The following RIMS2 variants were observed in gnomAD, a reference collection of about 807,000 sequenced individuals.
RIMS2 encodes regulating synaptic membrane exocytosis protein 2.
RIMS2 carries 59 observed loss-of-function variants against 174.4 expected under a neutral mutation model. That is an observed-to-expected ratio of 0.34 (90% CI 0.27 to 0.42). RIMS2 has a LOEUF of 0.42. Among genes scored for constraint, RIMS2 ranks in the 10% least tolerant of loss-of-function variants. RIMS2 has a pLI of 1.00. For synonymous variants in RIMS2, 606 were observed against 572.5 expected (o/e 1.06, Z -0.84); for missense variants, 1,620 against 1,666.3 (o/e 0.97, Z 0.48).
chr8:103,533,380 C>T (rs775031211), intron 1 of RIMS2, among the ~76,000 whole-genome samples: 1 of 152,048 alleles, frequency 6.6e-6, no homozygotes, highest in South Asian at 2.1e-4. Flanking sequence ...CAAATGTTAT[C>T]AATACTTTTC....
At chr8:104,129,949 G>A (rs1412006847) in intron 19 of RIMS2, among the ~76,000 whole-genome samples, 2 of 152,116 alleles carry the variant, frequency 1.3e-5, no homozygotes, top group East Asian at 1.9e-4. Context: ...TTTATCATCA[G>A]CAAATATTTA....
chr8:103,884,989 C>T (rs913384977), intron 3 of RIMS2, among the ~76,000 whole-genome samples: 3 of 151,642 alleles, frequency 2.0e-5, no homozygotes, highest in Non-Finnish European at 4.4e-5. Flanking sequence ...TGGAAGTGTA[C>T]GTAGCAAACC....
Position 103,915,614 on chromosome 8 carries a change from T to C in RIMS2, c.1912+20T>C. On this transcript the variant is annotated intron_variant, in intron 7 of 23. Coordinates refer to ENST00000504942, the Ensembl canonical transcript of RIMS2. The stretch of plus-strand genomic sequence containing the variant: ...GACCAGGTAGGGTTTTACCTTTGAT[T>C]ATTTACATTTAAACCATTCAACTTT... The C allele has an allele frequency of 7.8e-7, 1 of 1,282,936 alleles. No individual in the cohort carries two copies. The highest frequency in any genetic ancestry group is 1.8e-5 in the Admixed American group (1 of 56,608). The allele number at this position is 1,282,936 out of a possible 1,614,324, so 79.5% of individuals were successfully genotyped here.
intron 13 of RIMS2, among the ~76,000 whole-genome samples, chr8:103,937,398 G>T (rs2081514544): frequency 6.6e-6 from 1 of 152,150 alleles, no homozygotes; most frequent in Non-Finnish European, 1.5e-5. Context: ...CCACTAATAA[G>T]TAGTTAAACC....
intron 19 of RIMS2, among the ~76,000 whole-genome samples, chr8:104,016,411 A>G (rs1327536878): frequency 6.6e-6 from 1 of 152,022 alleles, no homozygotes; most frequent in Non-Finnish European, 1.5e-5. Flanking sequence ...TAACTTGTTG[A>G]TATAAGTTGT....
intron 2 of RIMS2, among the ~76,000 whole-genome samples, chr8:103,699,419 G>A (rs1325166889): frequency 6.6e-6 from 1 of 151,828 alleles, no homozygotes; most frequent in East Asian, 1.9e-4. Context: ...TTGTAGAGAT[G>A]GGGTCTTGCT....
chr8:103,600,358 C>T (rs890762094), intron 1 of RIMS2, among the ~76,000 whole-genome samples: 1 of 152,126 alleles, frequency 6.6e-6, no homozygotes, highest in African/African-American at 2.4e-5. Context: ...TAACCTCTGC[C>T]TCCTGGGTTC....
intron 4 of RIMS2, among the ~76,000 whole-genome samples, chr8:103,907,539 A>G (rs1040344879): frequency 1.3e-5 from 2 of 150,702 alleles, no homozygotes; most frequent in African/African-American, 4.9e-5. Flanking sequence ...TTTTCTCTGC[A>G]TGCTGTTTCT....
rs144408844 is a variant in RIMS2 at position 104,218,210 on chromosome 8, T to C, written c.3335-26706T>C. ...CTCTCAGCAACTAGCCTTTTCTGAGTTGACTGGAAAACACTTAAATAGTGA... is the reference window on the plus strand; with the variant it reads ...CTCTCAGCAACTAGCCTTTTCTGAGCTGACTGGAAAACACTTAAATAGTGA... On this transcript the variant is annotated intron_variant, in intron 19 of 23. Coordinates refer to ENST00000504942, the Ensembl canonical transcript of RIMS2. Among the ~76,000 whole-genome samples, 327 of 152,378 alleles carry C rather than the reference T, an allele frequency of 2.1e-3. 1 individual carries two copies. The highest frequency in any genetic ancestry group is 7.4e-3 in the African/African-American group (306 of 41,592).
intron 1 of RIMS2, among the ~76,000 whole-genome samples, chr8:103,534,161 A>T (rs1426506488): frequency 6.6e-6 from 1 of 152,228 alleles, no homozygotes; most frequent in South Asian, 2.1e-4. Flanking sequence ...CTGTGCTTAC[A>T]TATGGAATTT....
Position 103,812,331 on chromosome 8 carries a change from G to GTTTTTTT in RIMS2, c.698+45811_698+45817dup, listed in dbSNP as rs71575985. 5.7e-3 allele frequency among the ~76,000 whole-genome samples: 633 copies of GTTTTTTT among 111,468 alleles called. 11 individuals are homozygous for GTTTTTTT. The highest frequency in any genetic ancestry group is 0.015 in the East Asian group (35 of 2,336). 73.1% of individuals were successfully genotyped at this position (111,468 alleles called of 152,430 possible). ...GGTCAAATTATTACCTTATTACCTT[G>GTTTTTTT]TTTTTTTTTTTTTTTTTTTTTTTGT... On this transcript the variant is annotated intron_variant, in intron 3 of 23. Transcript: ENST00000504942.
At chr8:103,888,360 T>C (rs983879023) in intron 4 of RIMS2, among the ~76,000 whole-genome samples, 9 of 151,532 alleles carry the variant, frequency 5.9e-5, no homozygotes, top group Non-Finnish European at 1.0e-4. Flanking sequence ...ACTATCGATC[T>C]TAATTATTTT....
intron 12 of RIMS2, among the ~76,000 whole-genome samples, chr8:103,935,888 A>G (rs924737371): frequency 6.6e-6 from 1 of 152,226 alleles, no homozygotes. Flanking sequence ...ACAGAGATAT[A>G]CAACGAAAAA....
intron 13 of RIMS2, among the ~76,000 whole-genome samples, chr8:103,941,850 A>T (rs2082618285): frequency 6.6e-6 from 1 of 152,200 alleles, no homozygotes. Flanking sequence ...GTGACCTTAG[A>T]CAAGTTCTTT....
intron 3 of RIMS2, among the ~76,000 whole-genome samples, chr8:103,862,305 T>G (rs1165388972): frequency 2.0e-5 from 3 of 152,084 alleles, no homozygotes; most frequent in Non-Finnish European, 2.9e-5. Context: ...GTTTTATTTC[T>G]GGGTTCTCTA....
At chr8:104,013,207 A>G (rs1046711490) in intron 17 of RIMS2, among the ~76,000 whole-genome samples, 2 of 152,170 alleles carry the variant, frequency 1.3e-5, no homozygotes, top group African/African-American at 4.8e-5. Context: ...TGTTTATTAT[A>G]ACTGAGCAAC....
chr8:103,792,629 A>G (rs942067523), intron 3 of RIMS2, among the ~76,000 whole-genome samples: 22 of 126,324 alleles, frequency 1.7e-4, no homozygotes, highest in Non-Finnish European at 3.0e-4. Context: ...CAGTGAATCC[A>G]GGAGCTGGTT....
At chr8:104,000,406 G>A (rs2095332835) in intron 17 of RIMS2, among the ~76,000 whole-genome samples, 1 of 151,516 alleles carries the variant, frequency 6.6e-6, no homozygotes, top group South Asian at 2.1e-4. Flanking sequence ...TTCTGTTTTA[G>A]CTGATACTCC....
intron 1 of RIMS2, among the ~76,000 whole-genome samples, chr8:103,656,000 G>C (rs1456593072): frequency 6.6e-6 from 1 of 152,080 alleles, no homozygotes; most frequent in Admixed American, 6.6e-5. Flanking sequence ...CAATGGAAGA[G>C]GCCTTTTTTG....
Sources: allele counts gnomAD v4.1 joint callset (sites outside exome capture counted in the v4.1 genomes callset), GRCh38; gene constraint gnomAD v4.1.1; transcripts MANE v1.5; gene names NCBI Gene and HGNC (gene_info 2026-07-23, HGNC 2026-07-21).